LDLRAD4: variants seen among roughly 807,000 people sequenced by gnomAD.
LDLRAD4 encodes low-density lipoprotein receptor class A domain-containing protein 4.
LDLRAD4 carries 5 observed loss-of-function variants against 17.0 expected under a neutral mutation model. That is an observed-to-expected ratio of 0.29 (90% CI 0.15 to 0.62). The LOEUF (loss-of-function observed/expected upper bound fraction) is 0.62, where lower values mean the gene tolerates loss of function less well. LDLRAD4 is among the 20% of genes least tolerant of loss of function. The probability of loss-of-function intolerance (pLI) is 0.84; values close to 1 mark genes in which losing one functional copy is unlikely to be tolerated. For missense variants in LDLRAD4, 340 were observed against 424.7 expected, an observed-to-expected ratio of 0.80 and a Z score of 1.75; for synonymous variants, 168 against 171.8, an observed-to-expected ratio of 0.98 and a Z score of 0.17.
chr18:13,440,475 G>C lies in LDLRAD4; in HGVS notation c.181+2091G>C, dbSNP rs746837655. On this transcript the variant is annotated intron_variant, in intron 3 of 5. Coordinates refer to ENST00000359446, the Ensembl canonical transcript of LDLRAD4. The surrounding 1 kb of genome is among the most constrained non-coding windows in gnomAD (Gnocchi z 4.4). Reference sequence around the variant, plus strand: ...GTTGGCAAACTCTTGGCCCCCTACTGTTCAGATATGACTAGAACTTTTGTC... The same window carrying C: ...GTTGGCAAACTCTTGGCCCCCTACTCTTCAGATATGACTAGAACTTTTGTC... Among the ~76,000 whole-genome samples, 2 of 152,124 alleles carry C rather than the reference G, an allele frequency of 1.3e-5. No homozygotes were observed. Among genetic ancestry groups the C allele is most frequent in the African/African-American group, 4.8e-5 (2 of 41,406 alleles).
intron 1 of LDLRAD4, among the ~76,000 whole-genome samples, chr18:13,385,515 T>C (rs2085728642): frequency 6.6e-6 from 1 of 152,086 alleles, no homozygotes; most frequent in Non-Finnish European, 1.5e-5. Context: ...ATGAAACAAA[T>C]AGACAAAATT....
In LDLRAD4 at chr18:13,345,876, A is replaced by G. The variant is rs535354613; in HGVS notation, c.-382-41465A>G. ...CTAGTTTATTTGCATAGAGGTGTTTATAGTATTCTCTGATGGTAGTTTGTA... is the reference window on the plus strand; with the variant it reads ...CTAGTTTATTTGCATAGAGGTGTTTGTAGTATTCTCTGATGGTAGTTTGTA... On this transcript the variant is annotated intron_variant, in intron 1 of 5. Transcript: ENST00000359446. Among the ~76,000 whole-genome samples, 8 of 152,248 alleles carry G rather than the reference A, an allele frequency of 5.3e-5. No homozygotes were observed. The South Asian group carries it at 1.2e-3, about 24-fold the overall frequency.
intron 3 of LDLRAD4, among the ~76,000 whole-genome samples, chr18:13,535,408 C>T (rs2094189108): frequency 6.6e-6 from 1 of 152,106 alleles, no homozygotes; most frequent in Non-Finnish European, 1.5e-5. Flanking sequence ...TATGCATTTC[C>T]CTCATGACTA....
intron 4 of LDLRAD4, among the ~76,000 whole-genome samples, chr18:13,626,150 C>T (rs376961232): frequency 1.3e-5 from 2 of 152,104 alleles, no homozygotes; most frequent in African/African-American, 4.8e-5. Context: ...CAGATAGCAG[C>T]GGCGGGTCCG....
intron 1 of LDLRAD4, among the ~76,000 whole-genome samples, chr18:13,352,105 A>G (rs143232972): frequency 2.2e-3 from 336 of 152,322 alleles, no homozygotes; most frequent in Non-Finnish European, 4.2e-3. Context: ...GTCTTGATGT[A>G]ACATATCTCA....
chr18:13,408,817 C>T (rs2088039475), intron 2 of LDLRAD4, among the ~76,000 whole-genome samples: 1 of 152,136 alleles, frequency 6.6e-6, no homozygotes, highest in Non-Finnish European at 1.5e-5. Context: ...CTTCTTCTCT[C>T]CCGTAGCTCC....
At chr18:13,500,285 G>GTGT (rs1568262464) in intron 3 of LDLRAD4, among the ~76,000 whole-genome samples, 1 of 152,214 alleles carries the variant, frequency 6.6e-6, no homozygotes, top group African/African-American at 2.4e-5. Flanking sequence ...CAGGCACATT[G>GTGT]CGTCGTCTCT....
chr18:13,268,101 A>G (rs1347071917), intron 1 of LDLRAD4, among the ~76,000 whole-genome samples: 1 of 152,094 alleles, frequency 6.6e-6, no homozygotes, highest in Non-Finnish European at 1.5e-5. Context: ...TTTTCCTCTT[A>G]AGTTTAAGAC....
chr18:13,303,629 T>C (rs1438384991), intron 1 of LDLRAD4, among the ~76,000 whole-genome samples: 1 of 152,164 alleles, frequency 6.6e-6, no homozygotes, highest in Non-Finnish European at 1.5e-5. Context: ...ACTGCTCCTG[T>C]CCGAGACTTT....
intron 3 of LDLRAD4, among the ~76,000 whole-genome samples, chr18:13,609,509 C>T (rs1315632318): frequency 3.4e-5 from 5 of 145,186 alleles, no homozygotes; most frequent in African/African-American, 1.3e-4. Context: ...CACAGGAGCG[C>T]TCATTATGCG....
At chr18:13,237,359 T>C (rs1461771725) in intron 1 of LDLRAD4, among the ~76,000 whole-genome samples, 1 of 152,172 alleles carries the variant, frequency 6.6e-6, no homozygotes, top group Non-Finnish European at 1.5e-5. Flanking sequence ...AGGATGTGGC[T>C]CTCTGAGGCC....
exon 2 of LDLRAD4, chr18:13,387,620 ATGGACT>A (rs1352916988): frequency 4.7e-6 from 5 of 1,068,406 alleles, no homozygotes; most frequent in Non-Finnish European, 7.2e-6. Flanking sequence ...CAGCAGAGCG[ATGGACT>A]TGGACAGGCT....
At chr18:13,422,120 T>C (rs2089523737) in intron 2 of LDLRAD4, among the ~76,000 whole-genome samples, 2 of 152,362 alleles carry the variant, frequency 1.3e-5, no homozygotes, top group East Asian at 3.9e-4. Flanking sequence ...TTGGCCAATA[T>C]GTGTTTCTCG....
intron 1 of LDLRAD4, among the ~76,000 whole-genome samples, chr18:13,294,603 C>T (rs186147176): frequency 1.9e-4 from 29 of 152,250 alleles, no homozygotes; most frequent in African/African-American, 3.9e-4. Context: ...CCTTCCTAGG[C>T]GGTGGAGCTG....
At chr18:13,299,118 G>A (rs2046439129) in intron 1 of LDLRAD4, among the ~76,000 whole-genome samples, 1 of 152,210 alleles carries the variant, frequency 6.6e-6, no homozygotes, top group African/African-American at 2.4e-5. Flanking sequence ...CCCAGTTAGT[G>A]TGAGATCGGA....
In LDLRAD4 at chr18:13,472,010, A is replaced by G. The variant is rs569117252; in HGVS notation, c.181+33626A>G. 5.3e-5 allele frequency: 8 copies of G among 152,288 alleles called. No individual in the cohort carries two copies. The South Asian group carries it at 1.2e-3, about 24-fold the overall frequency. 9.4% of individuals were successfully genotyped at this position (152,288 alleles called of 1,614,324 possible). ...CGATTTCCACCTTCTGTGCAGAGAA[A>G]CTGCACTCTTAATTGTAGGCAGAAG... On this transcript the variant is annotated intron_variant, in intron 3 of 5. Coordinates refer to ENST00000359446, the Ensembl canonical transcript of LDLRAD4.
intron 1 of LDLRAD4, among the ~76,000 whole-genome samples, chr18:13,381,076 G>GTTTTTTT (rs759672017): frequency 0.014 from 1,777 of 128,388 alleles, 90 homozygotes; most frequent in African/African-American, 0.026. Flanking sequence ...TTTCTCTTTA[G>GTTTTTTT]TTTTTTTTTT....
intron 1 of LDLRAD4, among the ~76,000 whole-genome samples, chr18:13,346,690 C>T (rs550345683): frequency 2.2e-4 from 34 of 152,238 alleles, no homozygotes; most frequent in South Asian, 2.1e-3. Context: ...TAAAGTCTCC[C>T]ATTATTATTG....
At chr18:13,430,452 G>T (rs1328077077) in intron 2 of LDLRAD4, among the ~76,000 whole-genome samples, 2 of 152,190 alleles carry the variant, frequency 1.3e-5, no homozygotes, top group East Asian at 3.9e-4. Flanking sequence ...ATTGAGAGCT[G>T]TGAATGGGCC....
Sources: allele counts gnomAD v4.1 joint callset (sites outside exome capture counted in the v4.1 genomes callset), GRCh38; gene constraint gnomAD v4.1.1; non-coding constraint Gnocchi (gnomAD v3.1); transcripts MANE v1.5; gene names NCBI Gene and HGNC (gene_info 2026-07-23, HGNC 2026-07-21).